The following CAST variants were observed in gnomAD, a reference collection of about 807,000 sequenced individuals.
CAST encodes the protein MIR583 host.
Under a neutral mutation model 119.6 loss-of-function variants are expected in CAST, and 76 were observed. That is an observed-to-expected ratio of 0.64 (90% confidence interval 0.53 to 0.77). The LOEUF is 0.77. Ranked by LOEUF, CAST falls within the 30% of genes least tolerant of loss-of-function variation. The probability of loss-of-function intolerance (pLI) is 0.00; values close to 1 mark genes in which losing one functional copy is unlikely to be tolerated. For missense variants in CAST, 953 were observed against 946.5 expected (o/e 1.01, Z -0.09); for synonymous variants, 319 against 331.6 (o/e 0.96, Z 0.41).
At chr5:96,108,089 ACTT>A in the CAST span, among the ~76,000 whole-genome samples, 1 of 151,550 alleles carries the variant, frequency 6.6e-6, no homozygotes, top group Non-Finnish European at 1.5e-5. Context: ...TCCTTTAAGC[ACTT>A]CTCTGTATTG....
At chr5:96,274,501 G>T in the CAST span, among the ~76,000 whole-genome samples, 1 of 152,180 alleles carries the variant, frequency 6.6e-6, no homozygotes, top group African/African-American at 2.4e-5. Context: ...TATTCTAAGA[G>T]CATCATAAAT....
the CAST span, among the ~76,000 whole-genome samples, chr5:96,132,123 A>T: frequency 1.2e-4 from 19 of 152,176 alleles, no homozygotes; most frequent in Non-Finnish European, 1.5e-4. Flanking sequence ...GTATGGCTAT[A>T]CTTATAATCA....
chr5:96,221,569 A>G, the CAST span, among the ~76,000 whole-genome samples: 2 of 152,124 alleles, frequency 1.3e-5, no homozygotes, highest in African/African-American at 2.4e-5. Context: ...AAAGATTGCT[A>G]TAAGAAAAAC....
At chr5:96,567,721 A>G (rs1746496114) in intron 1 of CAST, among the ~76,000 whole-genome samples, 1 of 152,280 alleles carries the variant, frequency 6.6e-6, no homozygotes, top group East Asian at 1.9e-4. Flanking sequence ...ATTTACAGCC[A>G]GTCACGTATT....
At chr5:96,494,132 A>G in the CAST span, among the ~76,000 whole-genome samples, 12 of 152,242 alleles carry the variant, frequency 7.9e-5, no homozygotes, top group Non-Finnish European at 1.5e-4. Context: ...TAGCCCAACA[A>G]AAGCAATTCC....
chr5:96,507,805 T>C, the CAST span, among the ~76,000 whole-genome samples: 2 of 152,096 alleles, frequency 1.3e-5, no homozygotes, highest in Non-Finnish European at 2.9e-5. Context: ...CTAGCACTTA[T>C]TGTAAATCTG....
At chr5:96,213,539 T>C in the CAST span, 5 of 152,232 alleles carry the variant, frequency 3.3e-5, no homozygotes, top group Admixed American at 3.3e-4. Context: ...TCCCAGCACT[T>C]TGAGAGGCAG....
chr5:96,479,467 T>TTTTTTA, the CAST span, among the ~76,000 whole-genome samples: 1 of 143,012 alleles, frequency 7.0e-6, no homozygotes, highest in African/African-American at 2.6e-5. Flanking sequence ...TTTTTTTTTT[T>TTTTTTA]TGAGATGGAG....
chr5:96,070,707 G>A, the CAST span, among the ~76,000 whole-genome samples: 10 of 152,176 alleles, frequency 6.6e-5, no homozygotes, highest in African/African-American at 2.4e-4. Flanking sequence ...TCAGTGTGGA[G>A]ACAGTTGTAC....
chr5:96,018,410 T>C, the CAST span, among the ~76,000 whole-genome samples: 1 of 152,200 alleles, frequency 6.6e-6, no homozygotes, highest in Non-Finnish European at 1.5e-5. Context: ...CTGTTGAGCA[T>C]ACAAGGTTAT....
At chr5:96,341,459 T>C in the CAST span, among the ~76,000 whole-genome samples, 4 of 151,914 alleles carry the variant, frequency 2.6e-5, no homozygotes, top group Non-Finnish European at 5.9e-5. Context: ...GAAGGTCAAA[T>C]TCGAAATAAC....
the CAST span, among the ~76,000 whole-genome samples, chr5:96,425,005 AAGAAAAGAAAGAAAG>A: frequency 3.0e-4 from 38 of 128,698 alleles, no homozygotes; most frequent in African/African-American, 1.2e-3. Context: ...AAGAGAAAGA[AAGAAAAGAAAGAAAG>A]AAAGAAAGAA....
the CAST span, among the ~76,000 whole-genome samples, chr5:96,324,307 C>T: frequency 1.3e-5 from 2 of 152,280 alleles, no homozygotes; most frequent in South Asian, 2.1e-4. Flanking sequence ...TGAGGAAATA[C>T]GTCTAATATT....
chr5:96,756,499 T>G (rs542664317), intron 22 of CAST, among the ~76,000 whole-genome samples: 144 of 152,362 alleles, frequency 9.5e-4, no homozygotes, highest in African/African-American at 3.2e-3. Context: ...TTGGAATATT[T>G]GCCTCGTATC....
At chr5:96,123,608 A>G in the CAST span, among the ~76,000 whole-genome samples, 3 of 152,180 alleles carry the variant, frequency 2.0e-5, no homozygotes, top group African/African-American at 4.8e-5. Context: ...TGTTTGCTTG[A>G]TAGATTAGCA....
chr5:96,495,511 T>G, the CAST span, among the ~76,000 whole-genome samples: 1 of 152,194 alleles, frequency 6.6e-6, no homozygotes, highest in Non-Finnish European at 1.5e-5. Flanking sequence ...AGTGAAAACA[T>G]GCGGTGTTTG....
the CAST span, among the ~76,000 whole-genome samples, chr5:96,501,235 CA>C: frequency 9.2e-5 from 14 of 151,370 alleles, no homozygotes; most frequent in African/African-American, 1.5e-4. Context: ...TAATACAGGA[CA>C]AAAAAAACTT....
chr5:96,425,863 A>G, the CAST span: 1 of 1,611,542 alleles, frequency 6.2e-7, no homozygotes, highest in South Asian at 1.1e-5. Flanking sequence ...GAAGAGATTT[A>G]GTGCTGAGTC....
the CAST span, among the ~76,000 whole-genome samples, chr5:96,202,241 C>T: frequency 2.0e-5 from 3 of 151,946 alleles, no homozygotes. Context: ...TTCTTAAAAC[C>T]TAATACATTT....
Sources: allele counts gnomAD v4.1 joint callset (sites outside exome capture counted in the v4.1 genomes callset), GRCh38; gene constraint gnomAD v4.1.1; transcripts MANE v1.5; gene names NCBI Gene and HGNC (gene_info 2026-07-23, HGNC 2026-07-21).